LY9: variants seen among roughly 807,000 people sequenced by gnomAD.
The protein encoded by LY9 is lymphocyte antigen 9, also known as T-lymphocyte surface antigen Ly-9.
In LY9, 59 loss-of-function variants were observed where a neutral mutation model predicts 64.6. The ratio of observed to expected loss-of-function variants is 0.91; its 90% CI spans 0.74 to 1.13. The LOEUF (loss-of-function observed/expected upper bound fraction) is 1.13, where lower values mean the gene tolerates loss of function less well. LY9 is among the 50% of genes most tolerant of loss of function. The probability of loss-of-function intolerance (pLI) is 0.00; values close to 1 mark genes in which losing one functional copy is unlikely to be tolerated. For missense variants in LY9, 789 were observed against 797.2 expected (o/e 0.99, Z 0.12); for synonymous variants, 281 against 308.5 (o/e 0.91, Z 0.93).
chr1:160,817,447 C>T (rs370513122), intron 5 of LY9, among the ~76,000 whole-genome samples: 23 of 152,288 alleles, frequency 1.5e-4, no homozygotes, highest in African/African-American at 5.3e-4. Context: ...TAGCTTGTGG[C>T]TACCATATTG....
intron 2 of LY9, 188 bp from the exon 3 acceptor site, chr1:160,813,448 T>C: frequency 1.7e-6 from 1 of 605,100 alleles, no homozygotes; most frequent in Non-Finnish European, 2.9e-6. Context: ...TGATAACACC[T>C]GTAGCGGATG....
chr1:160,824,590 C>T, intron 9 of LY9: 2 of 984,132 alleles, frequency 2.0e-6, no homozygotes, highest in South Asian at 4.7e-5. Context: ...TAAATGACAA[C>T]TTCTCAAAAC....
At chr1:160,797,954 T>C (rs1039984809) in intron 1 of LY9, among the ~76,000 whole-genome samples, 1 of 152,110 alleles carries the variant, frequency 6.6e-6, no homozygotes, top group African/African-American at 2.4e-5. Context: ...TTACGTGCAT[T>C]CTTTGGAAAC....
At chr1:160,805,170 G>GCAAGATCTCTACAAGGCAAACTACAAAA in intron 2 of LY9, among the ~76,000 whole-genome samples, 1 of 151,618 alleles carries the variant, frequency 6.6e-6, no homozygotes, top group East Asian at 1.9e-4. Flanking sequence ...TGCTTTTCTA[G>GCAAGATCTCTACAAGGCAAACTACAAAA]CTCCTTAAAG....
chr1:160,819,334 C>T lies in LY9; in HGVS notation c.1458C>T (p.Ala486=). 6.2e-7 allele frequency: 1 copy of T among 1,613,730 alleles called. No individual in the cohort carries two copies. The highest frequency in any genetic ancestry group is 8.5e-7 in the Non-Finnish European group (1 of 1,179,678). Reference sequence around the variant, plus strand: ...TTTGTTTCTCAGGTTCAGTCCCAGCCTTCTGTTCCAGCCAAGCTGAGGCCC... The same window carrying T: ...TTTGTTTCTCAGGTTCAGTCCCAGCTTTCTGTTCCAGCCAAGCTGAGGCCC... ...WKRKGRCSVP[A]FCSSQAEAPA... is the part of the protein sequence containing the mutation. The change falls in exon 7 of 10, where the codon GCC becomes GCT. Residue 486 remains alanine (A), a synonymous_variant. Transcript: ENST00000263285.
intron 9 of LY9, chr1:160,824,670 G>A: frequency 1.0e-6 from 1 of 981,784 alleles, no homozygotes; most frequent in Non-Finnish European, 1.2e-6. Flanking sequence ...CAGTACATTA[G>A]TTTTATTCTA....
In LY9 at chr1:160,801,722, GT is replaced by G. The variant is rs931482170; in HGVS notation, c.454+1646del. ...AAGTCTTTTAACTGATTTTGAGGAG[GT>G]TTTTTATATGATGAGAAATAGGGGT... On this transcript the variant is annotated intron_variant, in intron 2 of 9. Transcript: ENST00000263285. 53 of 1,261,552 alleles carry G rather than the reference GT, an allele frequency of 4.2e-5. No homozygotes were observed. The East Asian group carries it at 9.6e-4, about 23-fold the overall frequency. 78.1% of individuals were successfully genotyped at this position (1,261,552 alleles called of 1,614,324 possible).
chr1:160,800,149 T>C, intron 2 of LY9, 67 bp downstream of exon 2: 1 of 1,316,978 alleles, frequency 7.6e-7, no homozygotes, highest in Non-Finnish European at 1.1e-6. Flanking sequence ...TTATGGGGTA[T>C]GTGTGAAATT....
intron 7 of LY9, among the ~76,000 whole-genome samples, chr1:160,819,657 G>C: frequency 6.6e-6 from 1 of 151,852 alleles, no homozygotes; most frequent in Admixed American, 6.6e-5. Flanking sequence ...TGGGCATGGT[G>C]GTGCACGCCT....
chr1:160,807,682 A>T (rs1424771014), intron 2 of LY9, among the ~76,000 whole-genome samples: 1 of 151,880 alleles, frequency 6.6e-6, no homozygotes, highest in Non-Finnish European at 1.5e-5. Context: ...ATTGATGTTG[A>T]TGGTGGCTGC....
Position 160,799,948 on chromosome 1 carries a change from T to C in LY9, c.320T>C (p.Leu107Pro). 6.2e-7 allele frequency: 1 copy of C among 1,613,952 alleles called. No homozygotes were observed. Among genetic ancestry groups the C allele is most frequent in the South Asian group, 1.1e-5 (1 of 91,090 alleles). ...ATGGTCAAAAGCTACCTGGGCCGAC[T>C]AGACATCACCAAGTGGAGTTACTCC... ...TIMVKSYLGR[L>P]DITKWSYSLC... The change falls in exon 2 of 10, where the codon CTA becomes CCA. Residue 107 changes from leucine (L) to proline (P), a missense_variant. Transcript: ENST00000263285.
At position 160,828,160 on chromosome 1, in the gene LY9, G is replaced by C. The variant is rs1359532248; in HGVS notation, c.*344G>C. 1 of 170,010 alleles carries C rather than the reference G, an allele frequency of 5.9e-6. No individual in the cohort carries two copies. Among genetic ancestry groups the C allele is most frequent in the South Asian group, 1.9e-4 (1 of 5,300 alleles). 10.5% of individuals were successfully genotyped at this position (170,010 alleles called of 1,614,324 possible). A position where few individuals can be genotyped will look rare whatever the true frequency, so the allele number is the denominator to read the frequency against. ...TCCTTTACACCACCTTCTCAACACT[G>C]CTGAAAAGAACCCAAGAGAATTGTC... On this transcript the variant is annotated 3_prime_UTR_variant, in exon 10 of 10. Coordinates refer to ENST00000263285, the MANE Select transcript of LY9 (RefSeq NM_002348.4).
intron 9 of LY9, among the ~76,000 whole-genome samples, chr1:160,825,547 C>T (rs992754812): frequency 6.6e-6 from 1 of 152,142 alleles, no homozygotes; most frequent in Non-Finnish European, 1.5e-5. Context: ...AACATCGTGT[C>T]CATTCATACT....
At chr1:160,802,862 G>GT (rs1376589224) in intron 2 of LY9, 1 of 181,376 alleles carries the variant, frequency 5.5e-6, no homozygotes, top group African/African-American at 2.4e-5. Flanking sequence ...ACACCATGCT[G>GT]TTTTGGTTGC....
At chr1:160,812,083 T>C (rs1238793772) in intron 2 of LY9, 1 of 152,242 alleles carries the variant, frequency 6.6e-6, no homozygotes, top group African/African-American at 2.4e-5. Context: ...CAGAAACGTA[T>C]TCCACATTTC....
At chr1:160,813,480 G>A in intron 2 of LY9, 156 bp from the exon 3 acceptor site, 2 of 654,796 alleles carry the variant, frequency 3.1e-6, no homozygotes, top group East Asian at 5.4e-5. Context: ...CAGAGGAGAG[G>A]CTGTCAACCC....
intron 1 of LY9, among the ~76,000 whole-genome samples, chr1:160,798,219 A>G (rs913267441): frequency 6.6e-6 from 1 of 152,054 alleles, no homozygotes; most frequent in Non-Finnish European, 1.5e-5. Context: ...AACGAGTCAT[A>G]TGCACCCAGT....
chr1:160,818,476 T>C (rs1253649313), intron 6 of LY9, among the ~76,000 whole-genome samples, 157 bp downstream of exon 6: 2 of 152,046 alleles, frequency 1.3e-5, no homozygotes, highest in Non-Finnish European at 1.5e-5. Flanking sequence ...TGGGACTCTT[T>C]ACTCACAAAT....
At chr1:160,818,710 C>G (rs510143) in intron 6 of LY9, among the ~76,000 whole-genome samples, 4 of 151,842 alleles carry the variant, frequency 2.6e-5, no homozygotes, top group African/African-American at 9.7e-5. Context: ...TACTGCAGCC[C>G]GCTGAGGGAA....
Sources: gnomAD v4.1 joint callset for allele counts (sites outside exome capture counted in the v4.1 genomes callset) on GRCh38, gnomAD v4.1.1 for gene constraint, MANE v1.5 for transcripts, NCBI Gene and HGNC (gene_info 2026-07-23, HGNC 2026-07-21) for gene names.